TTC21B: variants seen among roughly 807,000 people sequenced by gnomAD.
TTC21B encodes the protein tetratricopeptide repeat domain 21B, also known as tetratricopeptide repeat protein 21B.
A neutral mutation model predicts 175.1 loss-of-function variants in TTC21B; 127 were observed. The ratio of observed to expected loss-of-function variants is 0.73; its 90% CI spans 0.63 to 0.84. The LOEUF (loss-of-function observed/expected upper bound fraction) is 0.84. TTC21B is among the 40% of genes least tolerant of loss of function. TTC21B has a pLI of 0.00. For missense variants in TTC21B, 1,561 were observed against 1,558.3 expected (o/e 1.00, Z -0.03); for synonymous variants, 524 against 524.5 (o/e 1.00, Z 0.01).
At chr2:165,949,792 T>G in intron 1 of TTC21B, 68 bp from the exon 2 acceptor site, 2 of 1,467,432 alleles carry the variant, frequency 1.4e-6, no homozygotes, top group Non-Finnish European at 1.9e-6. Flanking sequence ...AAGAAGCAGA[T>G]AATAATCTAA....
intron 20 of TTC21B, among the ~76,000 whole-genome samples, chr2:165,900,664 T>G (rs1685528721): frequency 6.6e-6 from 1 of 152,024 alleles, no homozygotes. Flanking sequence ...AAATACAGAG[T>G]GTACAACAGC....
intron 19 of TTC21B, 88 bp from the exon 20 acceptor site, chr2:165,901,998 A>C: frequency 2.6e-6 from 3 of 1,160,976 alleles, no homozygotes; most frequent in Non-Finnish European, 3.8e-6. Flanking sequence ...TTACAGATTT[A>C]TTTAAACATT....
chr2:165,910,162 G>A (rs1459791781), intron 18 of TTC21B, among the ~76,000 whole-genome samples: 2 of 152,134 alleles, frequency 1.3e-5, no homozygotes, highest in African/African-American at 4.8e-5. Flanking sequence ...CCAGCACTTT[G>A]GGAGGCCGAG....
rs759027480 is a variant in TTC21B, at chr2:165,890,381, A to T, written c.3263+98T>A. The T allele has an allele frequency of 1.8e-4, 204 of 1,131,474 alleles. 2 individuals carry two copies. Among genetic ancestry groups the T allele is most frequent in the South Asian group, 9.4e-4 (69 of 73,334 alleles). The allele number at this position is 1,131,474 out of a possible 1,614,324, so 70.1% of individuals were successfully genotyped here. ...ATTTAATTTATTCATCTGACCTTTC[A>T]TTATTGCTATCCTAAATTTAGTTCT... On this transcript the variant is annotated intron_variant, in intron 24 of 28. Coordinates refer to ENST00000243344, the MANE Select transcript of TTC21B (RefSeq NM_024753.5).
intron 22 of TTC21B, among the ~76,000 whole-genome samples, chr2:165,895,173 A>T (rs1029087297): frequency 1.3e-5 from 2 of 152,182 alleles, no homozygotes; most frequent in African/African-American, 4.8e-5. Flanking sequence ...CATTTTAGGC[A>T]AAAGGAAAAA....
intron 4 of TTC21B, among the ~76,000 whole-genome samples, 153 bp from the exon 5 acceptor site, chr2:165,943,494 T>G (rs1428353847): frequency 2.0e-5 from 3 of 152,206 alleles, no homozygotes; most frequent in Non-Finnish European, 4.4e-5. Flanking sequence ...GAAATCACTT[T>G]TGAACCCTTG....
rs1256744571 is a variant in TTC21B at position 165,941,159 on chromosome 2, T to C, written c.578A>G (p.Asn193Ser). The change falls in exon 6 of 29, where the codon AAT becomes AGT. Residue 193 changes from asparagine to serine, a missense_variant. Transcript: ENST00000243344. Reference sequence around the variant, plus strand: ...CACAGTCTCCAGGGCACCTGAATAATTCTGGCGCATCTCAAGGCATTGTGC... The same window carrying C: ...CACAGTCTCCAGGGCACCTGAATAACTCTGGCGCATCTCAAGGCATTGTGC... ...GKAQCLEMRQ[N>S]YSGALETVNQ... The C allele has an allele frequency of 1.2e-6, 2 of 1,613,934 alleles. No individual in the cohort carries two copies. The highest frequency in any genetic ancestry group is 1.7e-5 in the Admixed American group (1 of 59,988).
In TTC21B at chr2:165,929,175, A is replaced by G. The variant is rs769816345; in HGVS notation, c.1346T>C (p.Leu449Ser). 6.2e-7 allele frequency: 1 copy of G among 1,612,972 alleles called. No homozygotes were observed. The highest frequency in any genetic ancestry group is 2.2e-5 in the East Asian group (1 of 44,738). The change falls in exon 11 of 29, where the codon TTA (leucine) becomes TCA (serine). Residue 449 changes from leucine to serine, a missense_variant. Leu to Ser is a moderately radical substitution (Grantham distance 145). Coordinates refer to ENST00000243344, the MANE Select transcript of TTC21B (RefSeq NM_024753.5). ...GCTCAGATACTCCATAACAATTTCT[A>G]ACAAGAAATCAGGATTTAGCTTTTC... ...YFEKLNPDFL[L>S]EIVMEYLSFC...
intron 14 of TTC21B, among the ~76,000 whole-genome samples, chr2:165,916,420 C>T (rs1432157413): frequency 1.3e-5 from 2 of 152,154 alleles, no homozygotes; most frequent in African/African-American, 4.8e-5. Flanking sequence ...TCATTTTCTA[C>T]AAAGTTGTAA....
intron 27 of TTC21B, chr2:165,879,632 G>A (rs1684778001): frequency 6.6e-6 from 1 of 152,126 alleles, no homozygotes; most frequent in African/African-American, 2.4e-5. Flanking sequence ...ATACTTATAA[G>A]AAGCCAAATC....
In TTC21B at chr2:165,948,546, T is replaced by C. The variant is rs149340775; in HGVS notation, c.262+848A>G. ...TCAAGGAACCAGTCTGTGACCTTTG[T>C]TTATTATGTAATTTTTTGAAACACA... On this transcript the variant is annotated intron_variant, in intron 3 of 28. Transcript: ENST00000243344. The C allele has an allele frequency of 4.1e-3, 622 of 152,346 alleles. 5 individuals carry two copies. Among genetic ancestry groups the C allele is most frequent in the African/African-American group, 0.014 (575 of 41,578 alleles). 9.4% of individuals were successfully genotyped at this position (152,346 alleles called of 1,614,324 possible).
chr2:165,874,649 ACTTCTAATAACAAAGCACTGAGC>A lies in TTC21B; in HGVS notation c.*83_*105del. 1.0e-6 allele frequency: 1 copy of A among 980,860 alleles called. No homozygotes were observed. The highest frequency in any genetic ancestry group is 1.6e-6 in the Non-Finnish European group (1 of 619,800). 60.8% of individuals were successfully genotyped at this position (980,860 alleles called of 1,614,324 possible). ...ACCTCTGCTGGAGAAAAAAGGGTATACTTCTAATAACAAAGCACTGAGCTCAAACCTGTTTTGAACAGGAAGAA... is the reference window on the plus strand; with the variant it reads ...ACCTCTGCTGGAGAAAAAAGGGTATATCAAACCTGTTTTGAACAGGAAGAA... On this transcript the variant is annotated 3_prime_UTR_variant, in exon 29 of 29. Coordinates refer to ENST00000243344, the MANE Select transcript of TTC21B (RefSeq NM_024753.5).
intron 22 of TTC21B, among the ~76,000 whole-genome samples, chr2:165,893,773 G>A (rs1685271892): frequency 6.6e-6 from 1 of 151,984 alleles, no homozygotes; most frequent in Non-Finnish European, 1.5e-5. Context: ...CTCAAGGATA[G>A]GAGGAAGATC....
chr2:165,892,320 GAA>G (rs1685222443), intron 22 of TTC21B, among the ~76,000 whole-genome samples: 1 of 151,980 alleles, frequency 6.6e-6, no homozygotes, highest in African/African-American at 2.4e-5. Context: ...TTTGCTATTT[GAA>G]AAGAGATGAC....
At position 165,901,843 on chromosome 2, in the gene TTC21B, T is replaced by G. The variant is rs375464714; in HGVS notation, c.2636A>C (p.Gln879Pro). 3 of 1,614,008 alleles carry G rather than the reference T, an allele frequency of 1.9e-6. No individual in the cohort carries two copies. The highest frequency in any genetic ancestry group is 2.5e-6 in the Non-Finnish European group (3 of 1,180,010). Residue 879 changes from glutamine to proline, a missense_variant, in exon 20 of 29, where the codon CAG becomes CCG. Transcript: ENST00000243344. ...ACAAATTTCAGCTGCTAAATGTTTCTGTGCAGGAACTGCATCTGGCTGTTC... is the reference window on the plus strand; with the variant it reads ...ACAAATTTCAGCTGCTAAATGTTTCGGTGCAGGAACTGCATCTGGCTGTTC... ...QMEQPDAVPAQKHLAAEICAE... is the reference protein window; with the variant it reads ...QMEQPDAVPAPKHLAAEICAE...
intron 1 of TTC21B, 59 bp from the exon 2 acceptor site, chr2:165,949,783 A>C: frequency 2.0e-6 from 3 of 1,512,574 alleles, no homozygotes; most frequent in Non-Finnish European, 1.8e-6. Flanking sequence ...AAATACTCTA[A>C]GAAGCAGATA....
rs187017606 is a variant in TTC21B at position 165,942,795 on chromosome 2, T to C, written c.552+424A>G. ...CTAGCTTTTCCAGCTGTATTTTCCA[T>C]TATACTTATCACCTTCTAATATACC... On this transcript the variant is annotated intron_variant, in intron 5 of 28. Transcript: ENST00000243344. Among the ~76,000 whole-genome samples, 738 of 152,360 alleles carry C rather than the reference T, an allele frequency of 4.8e-3. 5 individuals carry two copies. Among genetic ancestry groups the C allele is most frequent in the Non-Finnish European group, 5.9e-3 (398 of 68,032 alleles).
At chr2:165,928,071 A>G (rs1414254391) in intron 11 of TTC21B, among the ~76,000 whole-genome samples, 1 of 152,194 alleles carries the variant, frequency 6.6e-6, no homozygotes, top group Non-Finnish European at 1.5e-5. Context: ...CTCTGGTAGT[A>G]CAACATAGGG....
At chr2:165,910,818 C>A (rs748077263) in intron 18 of TTC21B, among the ~76,000 whole-genome samples, 5 of 151,798 alleles carry the variant, frequency 3.3e-5, no homozygotes, top group Non-Finnish European at 7.4e-5. Flanking sequence ...GAAAAAATTG[C>A]AGAAAAGGAA....
Sources: allele counts gnomAD v4.1 joint callset (sites outside exome capture counted in the v4.1 genomes callset), GRCh38; gene constraint gnomAD v4.1.1; transcripts MANE v1.5; gene names NCBI Gene and HGNC (gene_info 2026-07-23, HGNC 2026-07-21).